FMO3: variants seen among roughly 807,000 people sequenced by gnomAD.
FMO3 encodes flavin-containing monooxygenase 3.
In FMO3, 40 loss-of-function variants were observed where a neutral mutation model predicts 39.4. The ratio of observed to expected loss-of-function variants is 1.02; its 90% CI spans 0.79 to 1.32. The LOEUF is 1.32. Ranked by LOEUF, FMO3 falls within the 40% of genes most tolerant of loss-of-function variation. The pLI, the probability that FMO3 is intolerant of heterozygous loss-of-function variation, is 0.00. For missense variants in FMO3, 680 were observed against 651.8 expected (o/e 1.04, Z -0.47); for synonymous variants, 219 against 228.8 (o/e 0.96, Z 0.39).
At chr1:171,096,564 A>ATACATACTATACTTTATATATTAAG (rs1655078322) in intron 2 of FMO3, among the ~76,000 whole-genome samples, 3 of 65,114 alleles carry the variant, frequency 4.6e-5, no homozygotes, top group African/African-American at 2.6e-4. Flanking sequence ...TATATATTAA[A>ATACATACTATACTTTATATATTAAG]TACATACTAT....
intron 2 of FMO3, among the ~76,000 whole-genome samples, chr1:171,097,126 T>A: frequency 6.7e-6 from 1 of 149,096 alleles, no homozygotes; most frequent in Non-Finnish European, 1.5e-5. Context: ...GAACTCATCA[T>A]TTTTTATGGC....
chr1:171,100,602 T>C (rs1655335283), intron 2 of FMO3: 1 of 154,250 alleles, frequency 6.5e-6, no homozygotes, highest in East Asian at 1.9e-4. Context: ...ATACCTGATT[T>C]AGATAATTTA....
intron 3 of FMO3, among the ~76,000 whole-genome samples, chr1:171,107,241 CTTTAA>C (rs1005742352): frequency 2.0e-5 from 3 of 152,254 alleles, no homozygotes; most frequent in Non-Finnish European, 2.9e-5. Flanking sequence ...ATAGTTTTAA[CTTTAA>C]TTTAACAAAT....
Position 171,096,154 on chromosome 1 carries a change from T to C in FMO3, c.132+3364T>C, listed in dbSNP as rs1300539031. Among the ~76,000 whole-genome samples the C allele has an allele frequency of 2.1e-4, 16 of 77,008 alleles. 1 individual carries two copies. The highest frequency in any genetic ancestry group is 4.3e-5 in the Non-Finnish European group (2 of 47,038). The allele number at this position is 77,008 out of a possible 152,430, so 50.5% of individuals were successfully genotyped here. On this transcript the variant is annotated intron_variant, in intron 2 of 8. Coordinates refer to ENST00000367755, the MANE Select transcript of FMO3 (RefSeq NM_001002294.3). ...AGTAATTATTATATATTGATATGAA[T>C]ATATAATATATATAATTATATATAA...
chr1:171,109,522 TC>T (rs1167169470), intron 5 of FMO3, among the ~76,000 whole-genome samples: 1 of 133,234 alleles, frequency 7.5e-6, no homozygotes, highest in Non-Finnish European at 1.6e-5. Flanking sequence ...TCCTTTAGTC[TC>T]TTCTTTTTTT....
intron 5 of FMO3, among the ~76,000 whole-genome samples, chr1:171,108,473 C>T (rs549999748): frequency 1.3e-5 from 2 of 152,266 alleles, no homozygotes; most frequent in South Asian, 2.1e-4. Flanking sequence ...TGCCTAATAT[C>T]TCGGATCAAT....
At chr1:171,113,759 G>A (rs1462099828) in intron 6 of FMO3, among the ~76,000 whole-genome samples, 1 of 152,158 alleles carries the variant, frequency 6.6e-6, no homozygotes, top group Non-Finnish European at 1.5e-5. Flanking sequence ...TTTATTCCGG[G>A]ATTTGGAAAG....
chr1:171,112,062 G>T (rs1655937652), intron 6 of FMO3, among the ~76,000 whole-genome samples: 1 of 152,126 alleles, frequency 6.6e-6, no homozygotes, highest in African/African-American at 2.4e-5. Context: ...TCAGGGGAAG[G>T]GTATTCCAGA....
chr1:171,091,976 T>C (rs1300672418), intron 1 of FMO3, among the ~76,000 whole-genome samples: 1 of 152,048 alleles, frequency 6.6e-6, no homozygotes. Context: ...GGCATATGTA[T>C]GTGGGTGGGT....
intron 2 of FMO3, among the ~76,000 whole-genome samples, chr1:171,096,081 A>ATACAAAATAT (rs1655012028): frequency 3.6e-5 from 2 of 56,010 alleles, no homozygotes; most frequent in African/African-American, 1.4e-4. Context: ...TTAATATATA[A>ATACAAAATAT]TATATATTAA....
At chr1:171,096,024 TAATA>T (rs1654980370) in intron 2 of FMO3, among the ~76,000 whole-genome samples, 4 of 46,324 alleles carry the variant, frequency 8.6e-5, no homozygotes, top group African/African-American at 1.3e-4. Context: ...TATTATATAT[TAATA>T]TATAATATAT....
rs548675896 is a variant in FMO3, at chr1:171,104,019, G to A, written c.321+46G>A. 9.6e-6 allele frequency: 13 copies of A among 1,360,600 alleles called. No individual in the cohort carries two copies. In the South Asian group the frequency reaches 1.4e-4, roughly 15 times the overall value. 84.3% of individuals were successfully genotyped at this position (1,360,600 alleles called of 1,614,324 possible). On this transcript the variant is annotated intron_variant, in intron 3 of 8. Transcript: ENST00000367755. ...TAGCTCTTGTCATAATGCTGAAGAA[G>A]TCTATGTCTACTACTGGATTCTCAT...
intron 2 of FMO3, among the ~76,000 whole-genome samples, chr1:171,094,292 T>C (rs925672754): frequency 1.3e-5 from 2 of 152,178 alleles, no homozygotes; most frequent in African/African-American, 4.8e-5. Flanking sequence ...ATCTCCTTTT[T>C]CCCCTTTGTA....
chr1:171,091,605 C>A (rs535721457), intron 1 of FMO3, among the ~76,000 whole-genome samples: 1 of 151,926 alleles, frequency 6.6e-6, no homozygotes, highest in Non-Finnish European at 1.5e-5. Context: ...CAACACCCCC[C>A]GGAGAGAAGG....
chr1:171,101,473 T>C (rs1464834048), intron 2 of FMO3, among the ~76,000 whole-genome samples: 1 of 152,220 alleles, frequency 6.6e-6, no homozygotes, highest in African/African-American at 2.4e-5. Context: ...CATTATAAGA[T>C]TGTTATAAAA....
Position 171,103,957 on chromosome 1 carries a change from A to T in FMO3, c.305A>T (p.Lys102Met), listed in dbSNP as rs767842894. Residue 102 changes from lysine (K) to methionine (M), a missense_variant, in exon 3 of 9, where the codon AAG (lysine) becomes ATG (methionine). Transcript: ENST00000367755. ...TTTGCCAAAGAAAAGAACCTCCTGA[A>T]GTACATACAATTTAAGGTAAGATGT... The part of the protein sequence containing the change: ...IAFAKEKNLL[K>M]YIQFKTFVSS... 15 of 1,612,002 alleles carry T rather than the reference A, an allele frequency of 9.3e-6. No individual in the cohort carries two copies. The highest frequency in any genetic ancestry group is 1.2e-5 in the Non-Finnish European group (14 of 1,178,278).
chr1:171,093,229 T>C (rs1557930658), intron 2 of FMO3, among the ~76,000 whole-genome samples: 1 of 152,030 alleles, frequency 6.6e-6, no homozygotes, highest in Non-Finnish European at 1.5e-5. Flanking sequence ...ACCCAAATAA[T>C]GTACATTGCA....
intron 2 of FMO3, chr1:171,100,291 T>G (rs1655318732): frequency 6.6e-6 from 1 of 152,208 alleles, no homozygotes; most frequent in Admixed American, 6.5e-5. Context: ...CTGCAACATG[T>G]GCTACCCTTC....
intron 2 of FMO3, among the ~76,000 whole-genome samples, chr1:171,102,883 GC>G (rs1263808057): frequency 2.0e-5 from 3 of 152,104 alleles, no homozygotes; most frequent in Non-Finnish European, 2.9e-5. Flanking sequence ...ATCATTGAAA[GC>G]TAAAACTTTG....
Sources: gnomAD v4.1 joint callset for allele counts (sites outside exome capture counted in the v4.1 genomes callset) on GRCh38, gnomAD v4.1.1 for gene constraint, MANE v1.5 for transcripts, NCBI Gene and HGNC (gene_info 2026-07-23, HGNC 2026-07-21) for gene names.